Variants in VPS13B observed in about 807,000 individuals in gnomAD.
The protein encoded by VPS13B is vacuolar protein sorting 13 homolog B.
A neutral mutation model predicts 426.4 loss-of-function variants in VPS13B; 285 were observed. That is an observed-to-expected ratio of 0.67 (90% confidence interval 0.61 to 0.74). The LOEUF (loss-of-function observed/expected upper bound fraction) is 0.74. Among genes scored for constraint, VPS13B ranks in the 30% least tolerant of loss-of-function variants. The pLI, the probability that VPS13B is intolerant of heterozygous loss-of-function variation, is 0.00. For missense variants in VPS13B, 4,537 were observed against 4,782.6 expected (o/e 0.95, Z 1.51); for synonymous variants, 1,676 against 1,676.4 (o/e 1.00, Z 0.01).
chr8:99,121,349 T>C lies in VPS13B; in HGVS notation c.1110T>C (p.Asp370=). ...GCGAGGAAGACTTTGTTGGGAACGATCCTGCATCAACCATGCATCAACAAA... is the reference window on the plus strand; with the variant it reads ...GCGAGGAAGACTTTGTTGGGAACGACCCTGCATCAACCATGCATCAACAAA... ...DDGEEDFVGN[D]PASTMHQQKA... is the part of the protein sequence containing the mutation. Residue 370 remains aspartate (D), a synonymous_variant, in exon 8 of 62, where the codon GAT becomes GAC. Transcript: ENST00000357162. The C allele has an allele frequency of 6.2e-7, 1 of 1,614,188 alleles. No individual in the cohort carries two copies. The highest frequency in any genetic ancestry group is 1.7e-5 in the Admixed American group (1 of 60,026).
At chr8:99,250,533 T>C (rs991236412) in intron 17 of VPS13B, among the ~76,000 whole-genome samples, 1 of 149,346 alleles carries the variant, frequency 6.7e-6, no homozygotes, top group Admixed American at 6.7e-5. Flanking sequence ...TATGGCCTAT[T>C]CTAGCACGAT....
intron 30 of VPS13B, among the ~76,000 whole-genome samples, chr8:99,530,979 A>G (rs1328252456): frequency 6.6e-6 from 1 of 152,194 alleles, no homozygotes; most frequent in East Asian, 1.9e-4. Context: ...AGTTTATAGC[A>G]TGAAGTTTGA....
chr8:99,516,264 A>C (rs374676598), intron 29 of VPS13B, among the ~76,000 whole-genome samples: 1 of 152,202 alleles, frequency 6.6e-6, no homozygotes, highest in South Asian at 2.1e-4. Context: ...TCACCATTTT[A>C]AAGTGTAGAT....
intron 19 of VPS13B, among the ~76,000 whole-genome samples, chr8:99,368,334 A>G (rs2133254786): frequency 6.6e-6 from 1 of 152,300 alleles, no homozygotes; most frequent in East Asian, 1.9e-4. Context: ...CCCTACCCCA[A>G]CACACACACA....
chr8:99,015,689 G>A (rs1435196720), intron 2 of VPS13B, among the ~76,000 whole-genome samples: 1 of 151,760 alleles, frequency 6.6e-6, no homozygotes, highest in Non-Finnish European at 1.5e-5. Context: ...AGATCATGAG[G>A]TCAGGAGTTC....
chr8:99,869,297 T>C (rs1414914250), intron 59 of VPS13B, among the ~76,000 whole-genome samples: 1 of 152,206 alleles, frequency 6.6e-6, no homozygotes. Flanking sequence ...TGCATCCGCA[T>C]CTGGCCATAA....
intron 3 of VPS13B, among the ~76,000 whole-genome samples, chr8:99,095,575 G>A (rs1016945356): frequency 1.3e-5 from 2 of 152,174 alleles, no homozygotes; most frequent in African/African-American, 4.8e-5. Context: ...ACATGTGTTC[G>A]ATAGATTCTG....
chr8:99,252,624 G>A (rs1392626366), intron 17 of VPS13B, among the ~76,000 whole-genome samples: 1 of 151,988 alleles, frequency 6.6e-6, no homozygotes. Context: ...TGTTGAGAGG[G>A]TATCGAAGTC....
At chr8:99,612,054 T>A (rs1450669620) in intron 33 of VPS13B, among the ~76,000 whole-genome samples, 1 of 152,136 alleles carries the variant, frequency 6.6e-6, no homozygotes, top group African/African-American at 2.4e-5. Context: ...CAGAAAATTT[T>A]AAGTTATTTT....
At chr8:99,215,547 A>G (rs1031276398) in intron 17 of VPS13B, among the ~76,000 whole-genome samples, 1 of 152,178 alleles carries the variant, frequency 6.6e-6, no homozygotes, top group African/African-American at 2.4e-5. Context: ...ATAAGAGGAA[A>G]AGACATAGGT....
At chr8:99,292,963 A>G (rs1819817998) in intron 19 of VPS13B, among the ~76,000 whole-genome samples, 1 of 152,150 alleles carries the variant, frequency 6.6e-6, no homozygotes, top group Non-Finnish European at 1.5e-5. Flanking sequence ...AGAAAATAGC[A>G]TGGAGTGAAG....
chr8:99,405,108 A>C (rs573100868), intron 21 of VPS13B, among the ~76,000 whole-genome samples: 7 of 152,258 alleles, frequency 4.6e-5, no homozygotes, highest in Admixed American at 3.9e-4. Context: ...AATGAAATTT[A>C]TTTCACACTG....
At position 99,481,643 on chromosome 8, in the gene VPS13B, G is replaced by A. The variant is rs777927698; in HGVS notation, c.3711G>A (p.Trp1237Ter). ...YELTDIMNKV[W>*]NKIQKRGNLN... ...TAACTGATATCATGAATAAGGTCTG[G>A]AACAAGATTCAGAAGAGAGGCAATC... Residue 1237 changes from tryptophan to a stop codon, truncating the protein, a stop_gained, in exon 25 of 62, where the codon TGG (tryptophan) becomes TGA (stop). Transcript: ENST00000357162. LOFTEE classifies it high-confidence loss of function. The A allele has an allele frequency of 1.2e-6, 2 of 1,613,868 alleles. No homozygotes were observed. The highest frequency in any genetic ancestry group is 1.1e-5 in the South Asian group (1 of 91,072).
In VPS13B at chr8:99,262,900, G is replaced by A. The variant is rs1392464023; in HGVS notation, c.2516-11298G>A. 3.3e-5 allele frequency among the ~76,000 whole-genome samples: 5 copies of A among 151,992 alleles called. No individual in the cohort carries two copies. The East Asian group carries it at 9.6e-4, about 29-fold the overall frequency. ...CAATCCTCCCACCTCAGCCTCCCAA[G>A]TAGCTGGGACCACAGGTGTGTGTCA... On this transcript the variant is annotated intron_variant, in intron 17 of 61. Transcript: ENST00000357162.
chr8:99,145,865 A>G (rs1175837982), intron 13 of VPS13B, among the ~76,000 whole-genome samples: 3 of 152,208 alleles, frequency 2.0e-5, no homozygotes, highest in Non-Finnish European at 4.4e-5. Flanking sequence ...TTTTTTTTAA[A>G]GAAACTACCA....
At chr8:99,594,101 C>G (rs571821135) in intron 33 of VPS13B, among the ~76,000 whole-genome samples, 17 of 151,686 alleles carry the variant, frequency 1.1e-4, no homozygotes, top group Admixed American at 8.5e-4. Context: ...AAATGCTTTT[C>G]TTTTGCATCA....
intron 17 of VPS13B, among the ~76,000 whole-genome samples, chr8:99,200,678 T>C (rs1814261034): frequency 6.6e-6 from 1 of 152,156 alleles, no homozygotes; most frequent in Admixed American, 6.5e-5. Context: ...TGTGTATTTA[T>C]TAGCTATTTC....
intron 8 of VPS13B, among the ~76,000 whole-genome samples, chr8:99,130,834 A>G (rs1809745038): frequency 6.6e-6 from 1 of 152,216 alleles, no homozygotes; most frequent in Non-Finnish European, 1.5e-5. Flanking sequence ...TATCAGTACT[A>G]GAAACATCCA....
chr8:99,773,716 G>C (rs1042502080), intron 40 of VPS13B, among the ~76,000 whole-genome samples: 3 of 152,148 alleles, frequency 2.0e-5, no homozygotes, highest in African/African-American at 7.2e-5. Context: ...GAGAGGTCTT[G>C]CTTCCAGGAA....
Sources: gnomAD v4.1 joint callset for allele counts (sites outside exome capture counted in the v4.1 genomes callset) on GRCh38, gnomAD v4.1.1 for gene constraint, MANE v1.5 for transcripts, NCBI Gene and HGNC (gene_info 2026-07-23, HGNC 2026-07-21) for gene names.